SEPTIN10: variants seen among roughly 807,000 people sequenced by gnomAD.
SEPTIN10 encodes the protein septin-10.
In SEPTIN10, 66 loss-of-function variants were observed where a neutral mutation model predicts 54.8. That is an observed-to-expected ratio of 1.21 (90% CI 0.99 to 1.48). SEPTIN10 has a LOEUF of 1.48. Ranked by LOEUF, SEPTIN10 falls within the 40% of genes most tolerant of loss-of-function variation. SEPTIN10 has a pLI of 0.00. For missense variants in SEPTIN10, 620 were observed against 545.6 expected (o/e 1.14, Z -1.36); for synonymous variants, 161 against 181.0 (o/e 0.89, Z 0.89).
intron 2 of SEPTIN10, among the ~76,000 whole-genome samples, chr2:109,587,186 C>T (rs902688055): frequency 2.0e-5 from 3 of 152,022 alleles, no homozygotes; most frequent in African/African-American, 7.2e-5. Flanking sequence ...TATGAAAGAG[C>T]TCGCAACGAC....
At chr2:109,566,667 G>A (rs1463601534) in intron 6 of SEPTIN10, among the ~76,000 whole-genome samples, 1 of 152,052 alleles carries the variant, frequency 6.6e-6, no homozygotes. Flanking sequence ...AGAGGAGTGA[G>A]AGATCACTAG....
At chr2:109,585,362 G>C in intron 3 of SEPTIN10, 41 bp from the exon 4 acceptor site, 1 of 1,476,232 alleles carries the variant, frequency 6.8e-7, no homozygotes, top group Non-Finnish European at 9.2e-7. Context: ...TGCATGAATG[G>C]CTGAAAAGAA....
In SEPTIN10 at chr2:109,553,086, C is replaced by CCT; in HGVS notation, c.1160_1161dup (p.Leu388SerfsTer18). 1 of 1,608,106 alleles carries CCT rather than the reference C, an allele frequency of 6.2e-7. No individual in the cohort carries two copies. The highest frequency in any genetic ancestry group is 8.5e-7 in the Non-Finnish European group (1 of 1,177,338). On this transcript the variant is annotated frameshift_variant and splice_region_variant. Coordinates refer to ENST00000397712, the MANE Select transcript of SEPTIN10 (RefSeq NM_144710.5). LOFTEE classifies it high-confidence loss of function. The stretch of plus-strand genomic sequence containing the variant: ...AAATCACATCAAACCAGCATACTTG[C>CCT]CTCTCTCTCAGCTTCTTTCAATATG...
At chr2:109,568,161 T>C (rs530534343) in intron 5 of SEPTIN10, among the ~76,000 whole-genome samples, 185 bp from the exon 6 acceptor site, 42 of 152,172 alleles carry the variant, frequency 2.8e-4, no homozygotes, top group South Asian at 1.0e-3. Flanking sequence ...AACACTGCCA[T>C]GCCCATTTGC....
rs34414105 is a variant in SEPTIN10, at chr2:109,606,672, C to CT, written c.30+7125dup. The stretch of plus-strand genomic sequence containing the variant: ...AAAAAATTGCACTAAAAATTTTAAG[C>CT]TTTTTTTTTTTTTTTTTTTTTTTTT... On this transcript the variant is annotated intron_variant, in intron 1 of 10. Coordinates refer to ENST00000397712, the MANE Select transcript of SEPTIN10 (RefSeq NM_144710.5). 9.3e-3 allele frequency among the ~76,000 whole-genome samples: 666 copies of CT among 71,868 alleles called. 21 individuals are homozygous for CT. Among genetic ancestry groups the CT allele is most frequent in the East Asian group, 0.022 (42 of 1,894 alleles). 47.1% of individuals were successfully genotyped at this position (71,868 alleles called of 152,430 possible).
intron 10 of SEPTIN10, chr2:109,545,328 CA>C: frequency 6.7e-7 from 1 of 1,486,010 alleles, no homozygotes; most frequent in Non-Finnish European, 8.9e-7. Context: ...AGGAAATTAT[CA>C]AAAAGGAAAA....
At chr2:109,567,320 A>G (rs1687262314) in intron 6 of SEPTIN10, among the ~76,000 whole-genome samples, 1 of 152,224 alleles carries the variant, frequency 6.6e-6, no homozygotes, top group Non-Finnish European at 1.5e-5. Flanking sequence ...TGTTAGCTTC[A>G]AGAAAGTAAA....
rs908991498 is a variant in SEPTIN10 at position 109,593,218 on chromosome 2, ATGT to A, written c.31-102_31-100del. 8 of 730,980 alleles carry A rather than the reference ATGT, an allele frequency of 1.1e-5. No homozygotes were observed. The East Asian group carries it at 1.1e-4, about 10-fold the overall frequency. The allele number at this position is 730,980 out of a possible 1,614,324, so 45.3% of individuals were successfully genotyped here. On this transcript the variant is annotated intron_variant, in intron 1 of 10. Transcript: ENST00000397712. ...TTTACATGAATAAGGTGTTATAATA[ATGT>A]TGTTATCACCAAGTTTTGATGTGTA... is the stretch of plus-strand genomic sequence containing the variant.
At chr2:109,591,662 GGAGGCAGATGGATCACTT>G (rs1172534684) in intron 2 of SEPTIN10, among the ~76,000 whole-genome samples, 1 of 151,952 alleles carries the variant, frequency 6.6e-6, no homozygotes, top group African/African-American at 2.4e-5. Flanking sequence ...TTTGGGAGGC[GGAGGCAGATGGATCACTT>G]GAGGCCAGGA....
chr2:109,606,181 C>A (rs1558905544), intron 1 of SEPTIN10, among the ~76,000 whole-genome samples: 1 of 152,080 alleles, frequency 6.6e-6, no homozygotes, highest in Non-Finnish European at 1.5e-5. Context: ...CTTTGGGAGA[C>A]CAAGGAGGGA....
chr2:109,591,195 T>C (rs1357227840), intron 2 of SEPTIN10, among the ~76,000 whole-genome samples: 2 of 152,218 alleles, frequency 1.3e-5, no homozygotes, highest in Admixed American at 1.3e-4. Context: ...CGTGAAAGTG[T>C]TCAAGATGGT....
chr2:109,580,700 T>A (rs1032509062), intron 4 of SEPTIN10, among the ~76,000 whole-genome samples: 5 of 152,060 alleles, frequency 3.3e-5, no homozygotes, highest in African/African-American at 7.2e-5. Context: ...TCACCTTAAA[T>A]AACTAGAAAC....
At chr2:109,565,149 T>G (rs1686677791) in intron 7 of SEPTIN10, among the ~76,000 whole-genome samples, 1 of 152,172 alleles carries the variant, frequency 6.6e-6, no homozygotes, top group African/African-American at 2.4e-5. Context: ...CTTTTACATT[T>G]TTTATAAAAT....
In SEPTIN10 at chr2:109,544,057, A is replaced by G. The variant is rs945467461; in HGVS notation, c.*252T>C. 8.2e-7 allele frequency: 1 copy of G among 1,222,038 alleles called. No individual in the cohort carries two copies. Among genetic ancestry groups the G allele is most frequent in the African/African-American group, 1.5e-5 (1 of 65,268 alleles). 75.7% of individuals were successfully genotyped at this position (1,222,038 alleles called of 1,614,324 possible). On this transcript the variant is annotated 3_prime_UTR_variant, in exon 11 of 11. Coordinates refer to ENST00000397712, the MANE Select transcript of SEPTIN10 (RefSeq NM_144710.5). The stretch of plus-strand genomic sequence containing the variant: ...CTTGTGGGGTCAAGTCAGTGCTCAA[A>G]AAGATTCAGATTTTGAAGCTTCTGG...
intron 8 of SEPTIN10, among the ~76,000 whole-genome samples, chr2:109,557,916 C>G (rs1282679416): frequency 6.6e-6 from 1 of 150,882 alleles, no homozygotes; most frequent in Non-Finnish European, 1.5e-5. Context: ...CCTCTACCAC[C>G]CAAGTAGCTG....
At chr2:109,556,640 T>A (rs898062916) in intron 8 of SEPTIN10, among the ~76,000 whole-genome samples, 3 of 151,972 alleles carry the variant, frequency 2.0e-5, no homozygotes, top group African/African-American at 7.2e-5. Flanking sequence ...TATCAGGCCT[T>A]TTTTTTTCTG....
intron 1 of SEPTIN10, among the ~76,000 whole-genome samples, chr2:109,609,247 A>T (rs1698691575): frequency 6.6e-6 from 1 of 152,240 alleles, no homozygotes; most frequent in Non-Finnish European, 1.5e-5. Context: ...ACATTCAGCA[A>T]GAATAAAATT....
At chr2:109,556,098 T>C (rs908316590) in intron 8 of SEPTIN10, among the ~76,000 whole-genome samples, 1 of 152,136 alleles carries the variant, frequency 6.6e-6, no homozygotes, top group Non-Finnish European at 1.5e-5. Flanking sequence ...GAATGACAAA[T>C]TTCTGGGAAG....
At chr2:109,589,332 A>G (rs1402634128) in intron 2 of SEPTIN10, among the ~76,000 whole-genome samples, 1 of 152,030 alleles carries the variant, frequency 6.6e-6, no homozygotes, top group Non-Finnish European at 1.5e-5. Flanking sequence ...CAGGAGTTTG[A>G]AACCAACCTG....
Sources: gnomAD v4.1 joint callset for allele counts (sites outside exome capture counted in the v4.1 genomes callset) on GRCh38, gnomAD v4.1.1 for gene constraint, MANE v1.5 for transcripts, NCBI Gene and HGNC (gene_info 2026-07-23, HGNC 2026-07-21) for gene names.